Variants in MOCOS observed in about 807,000 individuals in gnomAD.
MOCOS encodes human molybdenum cofactor sulfurase.
In MOCOS, 86 loss-of-function variants were observed where a neutral mutation model predicts 83.6. That is an observed-to-expected ratio of 1.03 (90% CI 0.86 to 1.23). The LOEUF is 1.23. MOCOS is among the 50% of genes most tolerant of loss of function. The pLI is 0.00. For synonymous variants in MOCOS, 445 were observed against 434.7 expected, an observed-to-expected ratio of 1.02 and a Z score of -0.29; for missense variants, 1,120 against 1,126.9, an observed-to-expected ratio of 0.99 and a Z score of 0.09.
intron 11 of MOCOS, among the ~76,000 whole-genome samples, chr18:36,253,941 C>T (rs976275872): frequency 3.9e-5 from 6 of 152,098 alleles, no homozygotes; most frequent in Admixed American, 6.5e-5. Context: ...CCTGACTTGG[C>T]GAGGTGGCTG....
At chr18:36,225,950 CTTGTT>C (rs1761186591) in intron 9 of MOCOS, among the ~76,000 whole-genome samples, 1 of 124,050 alleles carries the variant, frequency 8.1e-6, no homozygotes, top group Admixed American at 8.1e-5. Flanking sequence ...TTTTTTAAGT[CTTGTT>C]TTAAGACCTA....
intron 13 of MOCOS, among the ~76,000 whole-genome samples, chr18:36,262,787 A>G (rs2091668569): frequency 6.6e-6 from 1 of 152,184 alleles, no homozygotes; most frequent in South Asian, 2.1e-4. Flanking sequence ...ATAGGCCACC[A>G]CGCTTGGCAA....
rs1331995467 is a variant in MOCOS, at chr18:36,256,992, C to T, written c.2189C>T (p.Thr730Ile). ...GKDQLPGTMA[T>I]LSLVNEAQYL... ...GATCAACTTCCTGGTACAATGGCCA[C>T]CCTTTCTCTGGTGAATGAGGCACAG... Residue 730 changes from threonine to isoleucine, a missense_variant, in exon 12 of 15, where the codon ACC (threonine) becomes ATC (isoleucine). By Grantham distance (89) the Thr-to-Ile change is moderately conservative. Transcript: ENST00000261326. 6.2e-7 allele frequency: 1 copy of T among 1,614,034 alleles called. No individual in the cohort carries two copies. The highest frequency in any genetic ancestry group is 1.3e-5 in the African/African-American group (1 of 74,926).
intron 1 of MOCOS, among the ~76,000 whole-genome samples, chr18:36,192,754 T>C (rs942651585): frequency 5.3e-5 from 8 of 152,074 alleles, no homozygotes; most frequent in Admixed American, 2.0e-4. Flanking sequence ...CTCAAGTGAT[T>C]ATCCTGCCTC....
chr18:36,264,225 CCTTT>C (rs1220367837), intron 13 of MOCOS, among the ~76,000 whole-genome samples: 8 of 152,124 alleles, frequency 5.3e-5, no homozygotes, highest in Non-Finnish European at 1.0e-4. Flanking sequence ...AGAAAATGCC[CCTTT>C]CTTCTGCTAG....
rs1178705958 is a variant in MOCOS at position 36,195,282 on chromosome 18, T to G, written c.168T>G (p.Gly56=). Residue 56 remains glycine, a synonymous_variant, in exon 2 of 15, where the codon GGT becomes GGG. Transcript: ENST00000261326. ...GAACTGTCTATCTTGACCATGCAGG[T>G]GCCACCTTGTTCTCCCAGAGCCAGC... is the stretch of plus-strand genomic sequence containing the variant. The part of the protein sequence containing the change: ...LAGTVYLDHA[G]ATLFSQSQLE... The G allele has an allele frequency of 1.2e-6, 2 of 1,614,160 alleles. No individual in the cohort carries two copies. Among genetic ancestry groups the G allele is most frequent in the Admixed American group, 3.3e-5 (2 of 60,022 alleles).
intron 9 of MOCOS, among the ~76,000 whole-genome samples, chr18:36,226,084 A>C (rs927343719): frequency 9.9e-5 from 15 of 152,202 alleles, no homozygotes; most frequent in African/African-American, 2.9e-4. Flanking sequence ...GTATGATTCA[A>C]GTCCTCCCTT....
At chr18:36,254,458 C>CTGTGTGTGTGTGTGTG (rs60813321) in intron 11 of MOCOS, among the ~76,000 whole-genome samples, 4 of 138,866 alleles carry the variant, frequency 2.9e-5, no homozygotes, top group Non-Finnish European at 4.6e-5. Flanking sequence ...TACATTATCT[C>CTGTGTGTGTGTGTGTG]TGTGTGTGTG....
Position 36,228,933 on chromosome 18 carries a change from G to A in MOCOS, c.1960+8716G>A, listed in dbSNP as rs538616625. Among the ~76,000 whole-genome samples, 47 of 151,632 alleles carry A rather than the reference G, an allele frequency of 3.1e-4. 1 individual carries two copies. The highest frequency in any genetic ancestry group is 1.1e-3 in the African/African-American group (45 of 41,348). ...ATCCTTCTGCCCCAGCCCCCTAGTAGCTGGAATTACAAGCATTAGCCATTG... is the reference window on the plus strand; with the variant it reads ...ATCCTTCTGCCCCAGCCCCCTAGTAACTGGAATTACAAGCATTAGCCATTG... On this transcript the variant is annotated intron_variant, in intron 9 of 14. Coordinates refer to ENST00000261326, the MANE Select transcript of MOCOS (RefSeq NM_017947.4).
intron 7 of MOCOS, among the ~76,000 whole-genome samples, chr18:36,214,244 C>A (rs1464606559): frequency 2.6e-3 from 241 of 91,230 alleles, no homozygotes; most frequent in African/African-American, 6.1e-3. Context: ...AACTCAGTCT[C>A]AAAAAAAAAA....
rs958143361 is a variant in MOCOS at position 36,249,078 on chromosome 18, C to A, written c.2039+78C>A. On this transcript the variant is annotated intron_variant, in intron 10 of 14. Coordinates refer to ENST00000261326, the MANE Select transcript of MOCOS (RefSeq NM_017947.4). ...AGGGGGAAGAGGGTAATGCCCTATGCAATCTATCCTTTGCTACCCTTCAGT... is the reference window on the plus strand; with the variant it reads ...AGGGGGAAGAGGGTAATGCCCTATGAAATCTATCCTTTGCTACCCTTCAGT... The A allele has an allele frequency of 2.0e-5, 24 of 1,228,154 alleles. No individual in the cohort carries two copies. In the African/African-American group the frequency reaches 2.4e-4, roughly 12 times the overall value. 76.1% of individuals were successfully genotyped at this position (1,228,154 alleles called of 1,614,324 possible). A position where few individuals can be genotyped will look rare whatever the true frequency, so the allele number is the denominator to read the frequency against.
At chr18:36,216,005 G>A (rs1463382144) in intron 8 of MOCOS, 28 bp downstream of exon 8, 2 of 1,589,120 alleles carry the variant, frequency 1.3e-6, no homozygotes, top group African/African-American at 1.3e-5. Context: ...AGCACAGAAA[G>A]TCTTCTCTTT....
intron 9 of MOCOS, among the ~76,000 whole-genome samples, chr18:36,239,789 G>T (rs1359348878): frequency 1.3e-5 from 2 of 149,556 alleles, no homozygotes; most frequent in East Asian, 2.0e-4. Context: ...ACGTAGATTT[G>T]GTCTTTTCAC....
At position 36,205,230 on chromosome 18, in the gene MOCOS, A is replaced by T. The variant is rs1568051542; in HGVS notation, c.1172A>T (p.Asn391Ile). 1 of 1,614,010 alleles carries T rather than the reference A, an allele frequency of 6.2e-7. No individual in the cohort carries two copies. Among genetic ancestry groups the T allele is most frequent in the South Asian group, 1.1e-5 (1 of 91,064 alleles). Reference sequence around the variant, plus strand: ...CCTGAGGTTCAGGGCCCAATCATCAATTTTAATGTGCTGGATGACAAAGGG... The same window carrying T: ...CCTGAGGTTCAGGGCCCAATCATCATTTTTAATGTGCTGGATGACAAAGGG... ...SSPEVQGPIINFNVLDDKGNI... is the reference protein window; with the variant it reads ...SSPEVQGPIIIFNVLDDKGNI... The change falls in exon 6 of 15, where the codon AAT (asparagine) becomes ATT (isoleucine). Residue 391 changes from asparagine to isoleucine, a missense_variant. Physicochemically the swap from Asn to Ile is moderately radical, Grantham distance 149. Transcript: ENST00000261326.
intron 9 of MOCOS, among the ~76,000 whole-genome samples, chr18:36,239,080 C>G (rs1286371460): frequency 6.7e-6 from 1 of 149,698 alleles, no homozygotes; most frequent in Non-Finnish European, 1.5e-5. Flanking sequence ...GGTCTTGACT[C>G]TTTATCCAAT....
intron 9 of MOCOS, among the ~76,000 whole-genome samples, chr18:36,239,672 A>C (rs1205528830): frequency 1.4e-5 from 2 of 146,858 alleles, no homozygotes; most frequent in African/African-American, 5.1e-5. Flanking sequence ...CTGAATCTGA[A>C]TGTTGGCCTG....
At chr18:36,234,991 A>G (rs2091552478) in intron 9 of MOCOS, among the ~76,000 whole-genome samples, 2 of 152,248 alleles carry the variant, frequency 1.3e-5, no homozygotes, top group South Asian at 4.1e-4. Flanking sequence ...ATATCTAGGG[A>G]TCACAACTTG....
chr18:36,254,578 C>CAT (rs1024899375), intron 11 of MOCOS, among the ~76,000 whole-genome samples: 3 of 140,122 alleles, frequency 2.1e-5, no homozygotes, highest in African/African-American at 5.3e-5. Context: ...CTTTCCTTTT[C>CAT]ATATATATGT....
Position 36,194,095 on chromosome 18 carries a change from A to G in MOCOS, c.143-1162A>G, listed in dbSNP as rs187068671. Among the ~76,000 whole-genome samples, 656 of 152,346 alleles carry G rather than the reference A, an allele frequency of 4.3e-3. 3 individuals are homozygous for G. The highest frequency in any genetic ancestry group is 0.017 in the South Asian group (84 of 4,826). The stretch of plus-strand genomic sequence containing the variant: ...TGAAATGTTCAGAACAGGCAAATCT[A>G]GAGAAGCAGAAAGTAGATTAGTGGT... On this transcript the variant is annotated intron_variant, in intron 1 of 14. Transcript: ENST00000261326.
Sources: gnomAD v4.1 joint callset for allele counts (sites outside exome capture counted in the v4.1 genomes callset) on GRCh38, gnomAD v4.1.1 for gene constraint, MANE v1.5 for transcripts, NCBI Gene and HGNC (gene_info 2026-07-23, HGNC 2026-07-21) for gene names.